Variants in DLGAP2 observed in about 807,000 individuals in gnomAD.
DLGAP2 encodes disks large-associated protein 2.
Under a neutral mutation model 100.3 loss-of-function variants are expected in DLGAP2, and 26 were observed. The ratio of observed to expected loss-of-function variants is 0.26; its 90% CI spans 0.19 to 0.36. DLGAP2 has a LOEUF of 0.36. Ranked by LOEUF, DLGAP2 falls within the 10% of genes least tolerant of loss-of-function variation. The pLI is 1.00. For missense variants in DLGAP2, 1,858 were observed against 1,453.2 expected, an observed-to-expected ratio of 1.28 and a Z score of -4.53; for synonymous variants, 886 against 630.1, an observed-to-expected ratio of 1.41 and a Z score of -6.08.
At chr8:881,682 CTT>C (rs561123444) in intron 1 of DLGAP2, among the ~76,000 whole-genome samples, 10 of 51,780 alleles carry the variant, frequency 1.9e-4, no homozygotes, top group East Asian at 2.3e-4. Context: ...CACACACACA[CTT>C]TTTTTTTTTT....
At chr8:1,385,201 C>G (rs1437654949) in intron 3 of DLGAP2, among the ~76,000 whole-genome samples, 23 of 54,934 alleles carry the variant, frequency 4.2e-4, no homozygotes, top group Non-Finnish European at 7.6e-4. Flanking sequence ...GAACTTGGTG[C>G]ACAGTTACCC....
intron 4 of DLGAP2, among the ~76,000 whole-genome samples, chr8:1,520,472 G>A (rs1415584067): frequency 6.6e-6 from 1 of 152,156 alleles, no homozygotes; most frequent in Non-Finnish European, 1.5e-5. Context: ...CAGGGGTCAC[G>A]CTTGGCATGG....
At chr8:1,065,391 T>G (rs921193442) in intron 2 of DLGAP2, among the ~76,000 whole-genome samples, 3 of 152,260 alleles carry the variant, frequency 2.0e-5, no homozygotes, top group African/African-American at 7.2e-5. Context: ...GAAATGACTT[T>G]CCTGACCACA....
chr8:1,696,707 G>C (rs1301085567), intron 13 of DLGAP2, among the ~76,000 whole-genome samples: 1 of 152,200 alleles, frequency 6.6e-6, no homozygotes, highest in Non-Finnish European at 1.5e-5. Flanking sequence ...GTAAGAACGA[G>C]AGCTAAGAGC....
intron 2 of DLGAP2, among the ~76,000 whole-genome samples, chr8:1,176,657 G>A (rs896174871): frequency 2.0e-5 from 3 of 152,182 alleles, no homozygotes; most frequent in Non-Finnish European, 2.9e-5. Context: ...CTGGGCGAGA[G>A]GGCAGGAAGG....
intron 1 of DLGAP2, among the ~76,000 whole-genome samples, chr8:788,525 A>T (rs1821940016): frequency 6.6e-6 from 1 of 152,228 alleles, no homozygotes; most frequent in Admixed American, 6.5e-5. Flanking sequence ...GGAGCTTGTG[A>T]TTATATTTTA....
chr8:1,113,619 G>A (rs936176712), intron 2 of DLGAP2, among the ~76,000 whole-genome samples: 1 of 152,122 alleles, frequency 6.6e-6, no homozygotes, highest in South Asian at 2.1e-4. Flanking sequence ...GGGTTTTCTA[G>A]ATATAGAATC....
At chr8:1,576,699 C>G (rs947176113) in intron 6 of DLGAP2, among the ~76,000 whole-genome samples, 2 of 152,124 alleles carry the variant, frequency 1.3e-5, no homozygotes, top group African/African-American at 4.8e-5. Context: ...CCAGTTTTCC[C>G]AGCACCATTT....
chr8:1,023,762 C>T (rs1356799340), intron 2 of DLGAP2, among the ~76,000 whole-genome samples: 2 of 151,884 alleles, frequency 1.3e-5, no homozygotes, highest in African/African-American at 4.8e-5. Context: ...CCTCATTCTG[C>T]AGCGAGATGG....
chr8:1,547,004 G>A (rs758304865), intron 4 of DLGAP2, among the ~76,000 whole-genome samples: 6 of 152,132 alleles, frequency 3.9e-5, no homozygotes, highest in Admixed American at 1.3e-4. Context: ...CCTCGAGGAC[G>A]GCACACAGCA....
intron 2 of DLGAP2, among the ~76,000 whole-genome samples, chr8:1,077,744 C>T (rs574799730): frequency 6.6e-6 from 1 of 152,146 alleles, no homozygotes; most frequent in Admixed American, 6.5e-5. Context: ...AGAGATTAGC[C>T]CACGCAGTGG....
intron 2 of DLGAP2, among the ~76,000 whole-genome samples, chr8:1,146,611 A>T (rs1462040772): frequency 6.6e-6 from 1 of 152,106 alleles, no homozygotes; most frequent in Non-Finnish European, 1.5e-5. Flanking sequence ...ATGTGTGTGC[A>T]TGCACGTGTG....
intron 2 of DLGAP2, among the ~76,000 whole-genome samples, chr8:1,178,471 C>T (rs542736416): frequency 3.3e-5 from 5 of 152,264 alleles, no homozygotes; most frequent in South Asian, 2.1e-4. Context: ...TAATAATAGA[C>T]GTCCTTATTA....
intron 6 of DLGAP2, among the ~76,000 whole-genome samples, chr8:1,594,716 G>T (rs576523843): frequency 2.6e-5 from 4 of 152,046 alleles, no homozygotes; most frequent in Non-Finnish European, 5.9e-5. Flanking sequence ...GAGCCACCGC[G>T]CCCGGCCAGG....
At chr8:1,052,188 C>G (rs1228349573) in intron 2 of DLGAP2, among the ~76,000 whole-genome samples, 1 of 152,180 alleles carries the variant, frequency 6.6e-6, no homozygotes, top group Non-Finnish European at 1.5e-5. Context: ...CTTCCTGGGC[C>G]TGCCTCTGAC....
chr8:750,828 G>A (rs1820771134), intron 1 of DLGAP2, among the ~76,000 whole-genome samples: 1 of 152,194 alleles, frequency 6.6e-6, no homozygotes, highest in South Asian at 2.1e-4. Context: ...TAATGGGATA[G>A]CATTTTTTAA....
intron 7 of DLGAP2, among the ~76,000 whole-genome samples, chr8:1,629,004 G>T (rs532917897): frequency 1.3e-5 from 2 of 152,200 alleles, no homozygotes; most frequent in African/African-American, 2.4e-5. Context: ...TTATTACCAT[G>T]ATAACAATAA....
At chr8:908,929 A>G (rs1172025110) in intron 2 of DLGAP2, among the ~76,000 whole-genome samples, 1 of 152,236 alleles carries the variant, frequency 6.6e-6, no homozygotes, top group African/African-American at 2.4e-5. Flanking sequence ...GAAGAATTTA[A>G]TTTGTTGGGA....
At chr8:1,181,307 G>T (rs939202668) in intron 2 of DLGAP2, among the ~76,000 whole-genome samples, 4 of 152,234 alleles carry the variant, frequency 2.6e-5, no homozygotes, top group African/African-American at 9.6e-5. Flanking sequence ...CGTGTTTCGT[G>T]GTCTGTAGAA....
Sources: allele counts gnomAD v4.1 joint callset (sites outside exome capture counted in the v4.1 genomes callset), GRCh38; gene constraint gnomAD v4.1.1; transcripts MANE v1.5; gene names NCBI Gene and HGNC (gene_info 2026-07-23, HGNC 2026-07-21).